The following GPHN variants were observed in gnomAD, a reference collection of about 807,000 sequenced individuals.
The protein encoded by GPHN is gephyrin.
In GPHN, 17 loss-of-function variants were observed where a neutral mutation model predicts 95.5. The ratio of observed to expected loss-of-function variants is 0.18; its 90% CI spans 0.12 to 0.27. The LOEUF (loss-of-function observed/expected upper bound fraction) is 0.27. Among genes scored for constraint, GPHN ranks in the 10% least tolerant of loss-of-function variants. The probability of loss-of-function intolerance (pLI) is 1.00; values close to 1 mark genes in which losing one functional copy is unlikely to be tolerated. For missense variants in GPHN, 660 were observed against 978.1 expected (o/e 0.67, Z 4.34); for synonymous variants, 320 against 322.5 (o/e 0.99, Z 0.08).
chr14:66,984,676 CTT>C (rs1195295884), intron 9 of GPHN, among the ~76,000 whole-genome samples: 1 of 152,084 alleles, frequency 6.6e-6, no homozygotes, highest in Non-Finnish European at 1.5e-5. Flanking sequence ...TTCTTGAAGA[CTT>C]TAACTGGGAA....
At chr14:66,735,220 C>T (rs2072149710) in intron 2 of GPHN, among the ~76,000 whole-genome samples, 1 of 152,060 alleles carries the variant, frequency 6.6e-6, no homozygotes, top group African/African-American at 2.4e-5. Flanking sequence ...TGAGGGAAAC[C>T]AGCAACATCT....
At chr14:66,606,181 G>A (rs1005211451) in intron 1 of GPHN, among the ~76,000 whole-genome samples, 47 of 152,110 alleles carry the variant, frequency 3.1e-4, no homozygotes, top group Non-Finnish European at 5.0e-4. Flanking sequence ...GCGGTGAAAG[G>A]TAGAGACTAG....
At chr14:66,708,667 T>C (rs1396172024) in intron 2 of GPHN, among the ~76,000 whole-genome samples, 4 of 152,162 alleles carry the variant, frequency 2.6e-5, no homozygotes, top group Non-Finnish European at 5.9e-5. Context: ...TCTGAGAGAT[T>C]GCCAGATTTG....
At chr14:66,858,000 A>G (rs2062867690) in intron 4 of GPHN, among the ~76,000 whole-genome samples, 1 of 152,208 alleles carries the variant, frequency 6.6e-6, no homozygotes, top group Admixed American at 6.5e-5. Flanking sequence ...GGGAACCACT[A>G]ATCCCTGCGA....
chr14:67,247,585 AC>A, the GPHN span, among the ~76,000 whole-genome samples: 1 of 148,270 alleles, frequency 6.7e-6, no homozygotes, highest in African/African-American at 2.5e-5. Flanking sequence ...TATCTTGTTC[AC>A]TTTTTTTTTT....
chr14:66,679,574 T>C (rs1413499481), intron 1 of GPHN, among the ~76,000 whole-genome samples: 1 of 152,246 alleles, frequency 6.6e-6, no homozygotes, highest in Non-Finnish European at 1.5e-5. Flanking sequence ...ACTGGAATTA[T>C]ATTTGTGTTG....
the GPHN span, among the ~76,000 whole-genome samples, chr14:67,419,836 C>T: frequency 6.7e-6 from 1 of 149,516 alleles, no homozygotes; most frequent in Non-Finnish European, 1.5e-5. Context: ...GAGACAGAGC[C>T]AGCCTCCGTC....
chr14:66,569,689 A>G (rs1232452949), intron 1 of GPHN, among the ~76,000 whole-genome samples: 6 of 150,576 alleles, frequency 4.0e-5, no homozygotes, highest in Non-Finnish European at 7.4e-5. Flanking sequence ...TTTTTGTTTG[A>G]CAAAATTGTG....
At chr14:67,005,753 A>G (rs1176982423) in intron 9 of GPHN, among the ~76,000 whole-genome samples, 1 of 151,992 alleles carries the variant, frequency 6.6e-6, no homozygotes, top group Non-Finnish European at 1.5e-5. Context: ...TACCTTTTAA[A>G]GTGAATTTGA....
the GPHN span, among the ~76,000 whole-genome samples, chr14:67,401,779 G>A: frequency 5.3e-5 from 8 of 152,122 alleles, no homozygotes; most frequent in Admixed American, 5.2e-4. Context: ...GGAAAGGAAG[G>A]AGACTAGTGA....
At chr14:67,688,855 A>G in the GPHN span, among the ~76,000 whole-genome samples, 46 of 152,306 alleles carry the variant, frequency 3.0e-4, 1 homozygote, top group African/African-American at 1.1e-3. Context: ...ACCAAACCAA[A>G]GAAGAGACTA....
At chr14:66,635,669 G>A (rs2064058482) in intron 1 of GPHN, among the ~76,000 whole-genome samples, 1 of 152,046 alleles carries the variant, frequency 6.6e-6, no homozygotes, top group African/African-American at 2.4e-5. Flanking sequence ...AAACAACGAC[G>A]AAAAAGCAAA....
chr14:66,893,368 G>A (rs1278784702), intron 5 of GPHN, among the ~76,000 whole-genome samples: 3 of 152,002 alleles, frequency 2.0e-5, no homozygotes, highest in African/African-American at 4.8e-5. Context: ...GAAGCAGGGT[G>A]AGGCATTGCT....
intron 4 of GPHN, among the ~76,000 whole-genome samples, chr14:66,831,839 A>G (rs2061593097): frequency 6.6e-6 from 1 of 152,156 alleles, no homozygotes; most frequent in Non-Finnish European, 1.5e-5. Context: ...ATGTTAACTC[A>G]TTTATTCTTC....
At chr14:67,327,435 CTT>C in the GPHN span, among the ~76,000 whole-genome samples, 3 of 145,566 alleles carry the variant, frequency 2.1e-5, no homozygotes, top group Non-Finnish European at 4.6e-5. Context: ...GGACGGATCA[CTT>C]TTTTTTTTTC....
chr14:66,583,044 CTGT>C (rs1302075139), intron 1 of GPHN, among the ~76,000 whole-genome samples: 1 of 151,950 alleles, frequency 6.6e-6, no homozygotes, highest in Admixed American at 6.6e-5. Context: ...TCTCCAGCAC[CTGT>C]TGTTTCCTGA....
At chr14:66,915,877 G>T in intron 5 of GPHN, 126 bp from the exon 6 acceptor site, 1 of 721,962 alleles carries the variant, frequency 1.4e-6, no homozygotes, top group Middle Eastern at 2.3e-4. Context: ...AATGTCTTAA[G>T]ATAACACTTT....
chr14:66,978,740 A>G (rs1241110152), intron 9 of GPHN, among the ~76,000 whole-genome samples: 1 of 152,226 alleles, frequency 6.6e-6, no homozygotes, highest in East Asian at 1.9e-4. Context: ...AAATGTTCTG[A>G]ATGGCATCTA....
At chr14:67,706,403 G>T in the GPHN span, among the ~76,000 whole-genome samples, 1 of 152,210 alleles carries the variant, frequency 6.6e-6, no homozygotes, top group Non-Finnish European at 1.5e-5. Context: ...AGCCTTCGGA[G>T]GGCCTGACAA....
Sources: allele counts gnomAD v4.1 joint callset (sites outside exome capture counted in the v4.1 genomes callset), GRCh38; gene constraint gnomAD v4.1.1; transcripts MANE v1.5; gene names NCBI Gene and HGNC (gene_info 2026-07-23, HGNC 2026-07-21).